The following PPM1L variants were observed in gnomAD, a reference collection of about 807,000 sequenced individuals.
PPM1L encodes the protein protein phosphatase 1L.
PPM1L carries 13 observed loss-of-function variants against 31.4 expected under a neutral mutation model. That is an observed-to-expected ratio of 0.41 (90% confidence interval 0.27 to 0.66). The LOEUF is 0.66. Among genes scored for constraint, PPM1L ranks in the 30% least tolerant of loss-of-function variants. PPM1L has a pLI of 0.29. For missense variants in PPM1L, 326 were observed against 453.7 expected, an observed-to-expected ratio of 0.72 and a Z score of 2.56; for synonymous variants, 184 against 175.4, an observed-to-expected ratio of 1.05 and a Z score of -0.39.
chr3:160,915,555 G>C (rs1001421343), intron 1 of PPM1L, among the ~76,000 whole-genome samples: 1 of 152,036 alleles, frequency 6.6e-6, no homozygotes, highest in Non-Finnish European at 1.5e-5. Context: ...ATTGGAAAAA[G>C]CTACTTTAAA....
intron 1 of PPM1L, among the ~76,000 whole-genome samples, chr3:160,950,168 C>G (rs1348633036): frequency 6.6e-6 from 1 of 152,074 alleles, no homozygotes; most frequent in African/African-American, 2.4e-5. Flanking sequence ...CCAGGAGTCT[C>G]CTTGGGTGCC....
chr3:161,038,606 A>AAG (rs1375801421), intron 2 of PPM1L, among the ~76,000 whole-genome samples: 1 of 149,814 alleles, frequency 6.7e-6, no homozygotes, highest in Non-Finnish European at 1.5e-5. Flanking sequence ...AAAAAAAAAA[A>AAG]AAAAAAGCAA....
intron 1 of PPM1L, among the ~76,000 whole-genome samples, chr3:160,814,148 G>C (rs972124436): frequency 6.6e-6 from 1 of 152,104 alleles, no homozygotes; most frequent in Non-Finnish European, 1.5e-5. Flanking sequence ...CCTAGAAACT[G>C]CCTTTCTTTT....
intron 1 of PPM1L, among the ~76,000 whole-genome samples, chr3:160,786,713 C>G (rs769085672): frequency 5.3e-5 from 8 of 151,698 alleles, no homozygotes; most frequent in Non-Finnish European, 8.8e-5. Context: ...AGCATAGTAC[C>G]TAATAGGTAG....
chr3:160,806,827 A>G (rs1435427710), intron 1 of PPM1L, among the ~76,000 whole-genome samples: 1 of 151,218 alleles, frequency 6.6e-6, no homozygotes, highest in African/African-American at 2.4e-5. Flanking sequence ...GAAAAAGAAA[A>G]GAAAGAAAGA....
intron 1 of PPM1L, among the ~76,000 whole-genome samples, chr3:160,805,973 A>G (rs557708362): frequency 1.3e-5 from 2 of 152,298 alleles, no homozygotes; most frequent in South Asian, 4.1e-4. Flanking sequence ...GCTGGAAAAA[A>G]GCAACAACAA....
At chr3:160,797,101 G>A (rs1000630590) in intron 1 of PPM1L, among the ~76,000 whole-genome samples, 2 of 152,072 alleles carry the variant, frequency 1.3e-5, no homozygotes, top group East Asian at 3.8e-4. Context: ...TTGAAGGTTC[G>A]TGGCAACCCC....
intron 1 of PPM1L, among the ~76,000 whole-genome samples, chr3:160,836,655 T>C (rs190578815): frequency 5.9e-4 from 90 of 152,344 alleles, no homozygotes; most frequent in African/African-American, 2.1e-3. Flanking sequence ...TCCTGCCTTG[T>C]ATATTGGTAG....
At chr3:160,919,115 T>C (rs1322397664) in intron 1 of PPM1L, among the ~76,000 whole-genome samples, 2 of 152,220 alleles carry the variant, frequency 1.3e-5, no homozygotes, top group African/African-American at 4.8e-5. Context: ...GTAAAAATCA[T>C]AATCATTAAT....
At chr3:160,948,419 C>T (rs534544406) in intron 1 of PPM1L, among the ~76,000 whole-genome samples, 12 of 152,202 alleles carry the variant, frequency 7.9e-5, no homozygotes, top group Admixed American at 2.0e-4. Flanking sequence ...TATTTTGCTG[C>T]AGCTTTCCAG....
intron 2 of PPM1L, among the ~76,000 whole-genome samples, chr3:160,997,434 A>C (rs1559918074): frequency 6.6e-6 from 1 of 152,218 alleles, no homozygotes; most frequent in Non-Finnish European, 1.5e-5. Flanking sequence ...TTTGACCTTT[A>C]GTAAAAGGGA....
intron 1 of PPM1L, among the ~76,000 whole-genome samples, chr3:160,814,548 TACACACACAC>T (rs1212031148): frequency 8.5e-6 from 1 of 117,642 alleles, no homozygotes; most frequent in African/African-American, 3.1e-5. Flanking sequence ...TGTGTATATA[TACACACACAC>T]ATATGTATGT....
At chr3:160,799,585 C>T (rs1712363355) in intron 1 of PPM1L, among the ~76,000 whole-genome samples, 1 of 152,202 alleles carries the variant, frequency 6.6e-6, no homozygotes, top group African/African-American at 2.4e-5. Flanking sequence ...GTGTGACTCT[C>T]TTTATTGTGA....
intron 2 of PPM1L, among the ~76,000 whole-genome samples, chr3:160,984,307 C>G (rs1716895920): frequency 6.6e-6 from 1 of 152,170 alleles, no homozygotes; most frequent in Non-Finnish European, 1.5e-5. Context: ...CGATACTTCT[C>G]TTACCCATTT....
intron 1 of PPM1L, among the ~76,000 whole-genome samples, chr3:160,908,500 T>C (rs1204033280): frequency 6.6e-6 from 1 of 152,238 alleles, no homozygotes; most frequent in African/African-American, 2.4e-5. Flanking sequence ...GTTGACACTA[T>C]ATGTAGTCTG....
At chr3:160,958,421 A>G (rs1715851153) in intron 1 of PPM1L, among the ~76,000 whole-genome samples, 1 of 152,212 alleles carries the variant, frequency 6.6e-6, no homozygotes, top group East Asian at 1.9e-4. Flanking sequence ...TATAGAGTAC[A>G]TCAATATTTG....
At chr3:160,795,565 C>T (rs1422835822) in intron 1 of PPM1L, among the ~76,000 whole-genome samples, 2 of 152,162 alleles carry the variant, frequency 1.3e-5, no homozygotes, top group Non-Finnish European at 2.9e-5. Flanking sequence ...TGCCTCATCA[C>T]CAACCTCATT....
chr3:160,920,617 ACACACACACACACACACACACT>A (rs1559887843), intron 1 of PPM1L, among the ~76,000 whole-genome samples: 747 of 35,586 alleles, frequency 0.021, 2 homozygotes, highest in Admixed American at 0.052. Flanking sequence ...TCTCTCTCTC[ACACACACACACACACACACACT>A]CACACACACA....
chr3:160,916,115 A>C (rs1286778719), intron 1 of PPM1L, among the ~76,000 whole-genome samples: 1 of 152,232 alleles, frequency 6.6e-6, no homozygotes, highest in Non-Finnish European at 1.5e-5. Context: ...CATCGGAGTG[A>C]ACAGGCAACC....
Sources: gnomAD v4.1 joint callset for allele counts (sites outside exome capture counted in the v4.1 genomes callset) on GRCh38, gnomAD v4.1.1 for gene constraint, MANE v1.5 for transcripts, NCBI Gene and HGNC (gene_info 2026-07-23, HGNC 2026-07-21) for gene names.